VWF: variants seen among roughly 807,000 people sequenced by gnomAD.
The protein encoded by VWF is von Willebrand factor.
A neutral mutation model predicts 308.6 loss-of-function variants in VWF; 176 were observed. The ratio of observed to expected loss-of-function variants is 0.57; its 90% CI spans 0.50 to 0.65. The LOEUF (loss-of-function observed/expected upper bound fraction) is 0.65, where lower values mean the gene tolerates loss of function less well. Ranked by LOEUF, VWF falls within the 30% of genes least tolerant of loss-of-function variation. The pLI, the probability that VWF is intolerant of heterozygous loss-of-function variation, is 0.00. For missense variants in VWF, 3,146 were observed against 3,648.2 expected (o/e 0.86, Z 3.55); for synonymous variants, 1,385 against 1,443.4 (o/e 0.96, Z 0.92).
intron 20 of VWF, 28 bp downstream of exon 20, chr12:6,034,660 A>C: frequency 6.2e-7 from 1 of 1,613,158 alleles, no homozygotes. Context: ...AAGAAACAGC[A>C]CCCTCTCCCC....
chr12:5,979,946 T>C (rs216861), intron 42 of VWF, among the ~76,000 whole-genome samples: 124,065 of 146,672 alleles, frequency 0.85, 52,751 homozygotes, highest in East Asian at 0.92. Flanking sequence ...GAGGCTGAGG[T>C]AGGAGAATGG....
intron 49 of VWF, 49 bp downstream of exon 49, chr12:5,952,342 T>C: frequency 6.2e-7 from 1 of 1,612,086 alleles, no homozygotes; most frequent in Non-Finnish European, 8.5e-7. Flanking sequence ...AGAAGAATCT[T>C]GTTCTTAGAG....
intron 47 of VWF, among the ~76,000 whole-genome samples, chr12:5,961,869 AT>A (rs1272315716): frequency 6.6e-6 from 1 of 152,134 alleles, no homozygotes; most frequent in Admixed American, 6.5e-5. Flanking sequence ...CTATGTTGGG[AT>A]TTAAACTCCC....
At chr12:6,101,630 G>A (rs1238900322) in intron 5 of VWF, among the ~76,000 whole-genome samples, 1 of 151,964 alleles carries the variant, frequency 6.6e-6, no homozygotes, top group Non-Finnish European at 1.5e-5. Context: ...CAAAAAATTA[G>A]CCAGGCATGG....
rs886375529 is a variant in VWF at position 5,981,700 on chromosome 12, T to C, written c.7287+86A>G. ...TTGGATGGGTAGGTGGATGGATGAA[T>C]GGATGGGTGGATAGAAGGATAAACT... On this transcript the variant is annotated intron_variant, in intron 42 of 51. Coordinates refer to ENST00000261405, the MANE Select transcript of VWF (RefSeq NM_000552.5). 9.8e-6 allele frequency: 14 copies of C among 1,431,480 alleles called. No homozygotes were observed. The African/African-American group carries it at 1.4e-4, about 14-fold the overall frequency. 88.7% of individuals were successfully genotyped at this position (1,431,480 alleles called of 1,614,324 possible).
chr12:6,081,206 G>A (rs1464381966), intron 6 of VWF, among the ~76,000 whole-genome samples: 1 of 152,132 alleles, frequency 6.6e-6, no homozygotes, highest in Non-Finnish European at 1.5e-5. Flanking sequence ...CCACAAATGG[G>A]CCCTTCAGAG....
chr12:6,056,947 G>C lies in VWF; in HGVS notation c.1855C>G (p.Arg619Gly). The C allele has an allele frequency of 6.5e-7, 1 of 1,537,294 alleles. No homozygotes were observed. Among genetic ancestry groups the C allele is most frequent in the Non-Finnish European group, 8.7e-7 (1 of 1,146,774 alleles). The change falls in exon 15 of 52, where the codon CGC becomes GGC. Residue 619 changes from arginine (R) to glycine (G), a missense_variant. Coordinates refer to ENST00000261405, the MANE Select transcript of VWF (RefSeq NM_000552.5). ...GCCAGGGCGCCGCACAGGCACTCGCGGCCGTCCGAGCAGGAGCACACGTCG... is the reference window on the plus strand; with the variant it reads ...GCCAGGGCGCCGCACAGGCACTCGCCGCCGTCCGAGCAGGAGCACACGTCG... Reference protein sequence around the residue: ...RYDVCSCSDGRECLCGALASY... With the variant: ...RYDVCSCSDGGECLCGALASY...
Position 6,011,534 on chromosome 12 carries a change from G to A in VWF, c.5842+83C>T, listed in dbSNP as rs979840327. 20 of 1,257,620 alleles carry A rather than the reference G, an allele frequency of 1.6e-5. 1 individual carries two copies. The Middle Eastern group carries it at 7.8e-4, about 49-fold the overall frequency. The allele number at this position is 1,257,620 out of a possible 1,614,324, so 77.9% of individuals were successfully genotyped here. A position where few individuals can be genotyped will look rare whatever the true frequency, so the allele number is the denominator to read the frequency against. ...GGAAAGGGTACTTCTGGGCTGGTGGGTGCCTGCTCTACTTTTCTGCACAGC... is the reference window on the plus strand; with the variant it reads ...GGAAAGGGTACTTCTGGGCTGGTGGATGCCTGCTCTACTTTTCTGCACAGC... On this transcript the variant is annotated intron_variant, in intron 34 of 51. Transcript: ENST00000261405.
At chr12:6,106,853 C>G (rs1446148956) in intron 5 of VWF, among the ~76,000 whole-genome samples, 1 of 85,008 alleles carries the variant, frequency 1.2e-5, no homozygotes, top group Non-Finnish European at 2.1e-5. Flanking sequence ...GCAGCCTGGG[C>G]AACAAGAGTG....
Position 6,075,568 on chromosome 12 carries a change from C to T in VWF, c.658-17G>A, listed in dbSNP as rs201157587. 10 of 1,609,500 alleles carry T rather than the reference C, an allele frequency of 6.2e-6. No homozygotes were observed. In the Admixed American group the frequency reaches 6.7e-5, roughly 11 times the overall value. On this transcript the variant is annotated splice_polypyrimidine_tract_variant and intron_variant, in intron 6 of 51. Coordinates refer to ENST00000261405, the MANE Select transcript of VWF (RefSeq NM_000552.5). This position sits in a 1 kb window ranked among gnomAD's most constrained non-coding sequence, Gnocchi z 4.7. ...CCACAGGCCCTGCAGGAAGAGGGGC[C>T]GCCTCAGCGGTATGCTCCGTTAGTG... is the stretch of plus-strand genomic sequence containing the variant.
At chr12:5,973,490 A>C (rs909497034) in intron 43 of VWF, among the ~76,000 whole-genome samples, 9 of 152,184 alleles carry the variant, frequency 5.9e-5, no homozygotes, top group Non-Finnish European at 5.9e-5. Context: ...GTCCCCTCTG[A>C]GGCAATCTGA....
At chr12:6,084,533 G>A (rs1055845487) in intron 6 of VWF, among the ~76,000 whole-genome samples, 2 of 152,160 alleles carry the variant, frequency 1.3e-5, no homozygotes, top group African/African-American at 4.8e-5. Context: ...GGGTGCAGGG[G>A]AGGAGGAGGG....
chr12:6,058,122 T>TA lies in VWF; in HGVS notation c.1534-79dup. 3.3e-6 allele frequency: 5 copies of TA among 1,510,874 alleles called. No individual in the cohort carries two copies. The highest frequency in any genetic ancestry group is 1.2e-5 in the South Asian group (1 of 82,196). The allele number at this position is 1,510,874 out of a possible 1,614,324, so 93.6% of individuals were successfully genotyped here. A position where few individuals can be genotyped will look rare whatever the true frequency, so the allele number is the denominator to read the frequency against. On this transcript the variant is annotated intron_variant, in intron 13 of 51. Transcript: ENST00000261405. This position sits in a 1 kb window ranked among gnomAD's most constrained non-coding sequence, Gnocchi z 4.9. ...AGTTGTTTAGCTAATGAGATGGTTT[T>TA]AATAAAAAAAAAAAAGTTCCCCGGG...
intron 21 of VWF, 106 bp downstream of exon 21, chr12:6,031,338 G>A: frequency 6.3e-7 from 1 of 1,587,730 alleles, no homozygotes; most frequent in African/African-American, 1.3e-5. Context: ...TAATGGCTGT[G>A]CGTTATTCCA....
intron 3 of VWF, among the ~76,000 whole-genome samples, chr12:6,115,748 G>A (rs1036688314): frequency 2.0e-5 from 3 of 152,134 alleles, no homozygotes; most frequent in Non-Finnish European, 4.4e-5. Flanking sequence ...CCTGTGCATG[G>A]TGGGAGAACC....
rs767478373 is a variant in VWF, at chr12:6,023,765, T to C, written c.3245A>G (p.Asp1082Gly). Residue 1082 changes from aspartate to glycine, a missense_variant, in exon 25 of 52, where the codon GAT becomes GGT. This residue lies in a region of VWF where 853 missense variants were observed against 1,177.8 expected (regional missense o/e 0.72). Coordinates refer to ENST00000261405, the MANE Select transcript of VWF (RefSeq NM_000552.5). ...GGAGCAGGTGTCGTAAATGCAGACATCCAGATATGGCTCGGGGTCCACCTG... is the reference window on the plus strand; with the variant it reads ...GGAGCAGGTGTCGTAAATGCAGACACCCAGATATGGCTCGGGGTCCACCTG... ...NKLVDPEPYLDVCIYDTCSCE... is the reference protein window; with the variant it reads ...NKLVDPEPYLGVCIYDTCSCE... 1.2e-6 allele frequency: 2 copies of C among 1,612,628 alleles called. No individual in the cohort carries two copies. Among genetic ancestry groups the C allele is most frequent in the Admixed American group, 1.7e-5 (1 of 59,986 alleles).
intron 5 of VWF, among the ~76,000 whole-genome samples, chr12:6,099,227 G>A (rs1421919423): frequency 6.8e-6 from 1 of 147,888 alleles, no homozygotes; most frequent in African/African-American, 2.5e-5. Context: ...GGCTGAGGCA[G>A]AAGAACCACT....
intron 18 of VWF, among the ~76,000 whole-genome samples, chr12:6,037,523 G>C (rs1322064142): frequency 6.6e-6 from 1 of 152,168 alleles, no homozygotes; most frequent in Admixed American, 6.5e-5. Flanking sequence ...TGTTGGGGCT[G>C]AGAAAATAAA....
chr12:6,029,486 C>A lies in VWF; in HGVS notation c.2823G>T (p.Val941=), dbSNP rs1944233765. 6.2e-7 allele frequency: 1 copy of A among 1,614,042 alleles called. No homozygotes were observed. Among genetic ancestry groups the A allele is most frequent in the South Asian group, 1.1e-5 (1 of 91,078 alleles). ...GGEIELFDGE[V]NVKRPMKDET... is the part of the protein sequence containing the mutation. The stretch of plus-strand genomic sequence containing the variant: ...CATCCTTCATGGGCCTCTTCACATT[C>A]ACCTGGAGGAAGACAAAGCAAGAAA... Residue 941 remains valine, a splice_region_variant and synonymous_variant, in exon 22 of 52, where the codon GTG becomes GTT. Coordinates refer to ENST00000261405, the MANE Select transcript of VWF (RefSeq NM_000552.5).
Sources: gnomAD v4.1 joint callset for allele counts (sites outside exome capture counted in the v4.1 genomes callset) on GRCh38, gnomAD v4.1.1 for gene constraint, gnomAD v4.1.1 regional missense constraint, Gnocchi (gnomAD v3.1) non-coding constraint, MANE v1.5 for transcripts, NCBI Gene and HGNC (gene_info 2026-07-23, HGNC 2026-07-21) for gene names.